Variants in ITGA4 observed in about 807,000 individuals in gnomAD.
The protein encoded by ITGA4 is integrin alpha-4.
In ITGA4, 63 loss-of-function variants were observed where a neutral mutation model predicts 133.6. The observed-to-expected ratio is 0.47, with a 90% CI of 0.38 to 0.58. ITGA4 has a LOEUF of 0.58. Ranked by LOEUF, ITGA4 falls within the 20% of genes least tolerant of loss-of-function variation. The probability of loss-of-function intolerance (pLI) is 0.00; values close to 1 mark genes in which losing one functional copy is unlikely to be tolerated. For synonymous variants in ITGA4, 483 were observed against 438.0 expected (o/e 1.10, Z -1.28); for missense variants, 1,076 against 1,252.7 (o/e 0.86, Z 2.13).
At chr2:181,506,870 A>G (rs556537223) in intron 15 of ITGA4, among the ~76,000 whole-genome samples, 2 of 152,098 alleles carry the variant, frequency 1.3e-5, no homozygotes, top group Non-Finnish European at 2.9e-5. Context: ...TGGTCCACTG[A>G]CATTACTTAG....
At position 181,523,603 on chromosome 2, in the gene ITGA4, G is replaced by A; in HGVS notation, c.2169+71G>A. Reference sequence around the variant, plus strand: ...TTTTTCTATTCTTCCCTATCTTTAGGTTGCATAGAAAATATTATAAATATT... The same window carrying A: ...TTTTTCTATTCTTCCCTATCTTTAGATTGCATAGAAAATATTATAAATATT... On this transcript the variant is annotated intron_variant, in intron 19 of 27. Coordinates refer to ENST00000397033, the MANE Select transcript of ITGA4 (RefSeq NM_000885.6). This position sits in a 1 kb window ranked among gnomAD's most constrained non-coding sequence, Gnocchi z 4.2. The A allele has an allele frequency of 1.2e-6, 1 of 811,788 alleles. No homozygotes were observed. Among genetic ancestry groups the A allele is most frequent in the Admixed American group, 2.1e-5 (1 of 48,656 alleles). The allele number at this position is 811,788 out of a possible 1,614,324, so 50.3% of individuals were successfully genotyped here.
At chr2:181,482,482 T>G in intron 8 of ITGA4, 32 bp from the exon 9 acceptor site, 1 of 1,613,654 alleles carries the variant, frequency 6.2e-7, no homozygotes, top group Non-Finnish European at 8.5e-7. Context: ...TGCTTTTTTC[T>G]CAATGAGTGG....
At chr2:181,514,195 C>G (rs187876354) in intron 17 of ITGA4, among the ~76,000 whole-genome samples, 2 of 152,088 alleles carry the variant, frequency 1.3e-5, no homozygotes, top group African/African-American at 4.8e-5. Flanking sequence ...GGATAAAAAG[C>G]AAGTTTATAT....
chr2:181,504,343 T>C (rs1242750791), intron 15 of ITGA4, among the ~76,000 whole-genome samples: 2 of 152,112 alleles, frequency 1.3e-5, no homozygotes, highest in Non-Finnish European at 1.5e-5. Flanking sequence ...TGTAAATCTT[T>C]AGGTGACTTC....
chr2:181,478,543 G>A (rs1207879992), intron 4 of ITGA4, among the ~76,000 whole-genome samples: 1 of 151,980 alleles, frequency 6.6e-6, no homozygotes, highest in Non-Finnish European at 1.5e-5. Flanking sequence ...TGCTTCCTAT[G>A]AAGAAGCAGA....
intron 10 of ITGA4, among the ~76,000 whole-genome samples, chr2:181,490,864 ATAAT>A (rs1686038110): frequency 6.6e-6 from 1 of 152,252 alleles, no homozygotes; most frequent in Non-Finnish European, 1.5e-5. Flanking sequence ...TGACATACTA[ATAAT>A]TTTGATTTAT....
At chr2:181,515,156 T>C (rs1686581377) in intron 17 of ITGA4, among the ~76,000 whole-genome samples, 1 of 152,064 alleles carries the variant, frequency 6.6e-6, no homozygotes, top group East Asian at 1.9e-4. Flanking sequence ...TAAGAACCAA[T>C]GTTATGGTGG....
chr2:181,504,721 A>G (rs1559049931), intron 15 of ITGA4, among the ~76,000 whole-genome samples: 1 of 152,106 alleles, frequency 6.6e-6, no homozygotes, highest in Non-Finnish European at 1.5e-5. Flanking sequence ...AATCCATTAC[A>G]TAAGGCAGAA....
intron 16 of ITGA4, among the ~76,000 whole-genome samples, chr2:181,511,089 C>T (rs765428892): frequency 7.2e-5 from 11 of 152,118 alleles, no homozygotes; most frequent in Non-Finnish European, 1.3e-4. Context: ...CGTTACCTTC[C>T]CTTTTATCTC....
chr2:181,537,817 C>G lies in ITGA4; in HGVS notation c.*2290C>G, dbSNP rs1487258013. 1 of 475,242 alleles carries G rather than the reference C, an allele frequency of 2.1e-6. No homozygotes were observed. Among genetic ancestry groups the G allele is most frequent in the South Asian group, 1.5e-5 (1 of 64,558 alleles). The allele number at this position is 475,242 out of a possible 1,614,324, so 29.4% of individuals were successfully genotyped here. A position where few individuals can be genotyped will look rare whatever the true frequency, so the allele number is the denominator to read the frequency against. On this transcript the variant is annotated 3_prime_UTR_variant, in exon 28 of 28. Transcript: ENST00000397033. ...ATCTTGACTTTTAAAGCCCTAGAGG[C>G]TAATTGTTAGTAACATCAATTTCTA...
intron 2 of ITGA4, among the ~76,000 whole-genome samples, chr2:181,460,538 A>G (rs1694440234): frequency 6.9e-6 from 1 of 145,572 alleles, no homozygotes; most frequent in African/African-American, 2.5e-5. Context: ...AGTGTGTGTA[A>G]ATATATATAA....
In ITGA4 at chr2:181,509,685, A is replaced by G. The variant is rs200533064; in HGVS notation, c.1723A>G (p.Ile575Val). ...RKDVRDILTPIQIEAAYHLGP... is the reference protein window; with the variant it reads ...RKDVRDILTPVQIEAAYHLGP... The stretch of plus-strand genomic sequence containing the variant: ...AGATGTGCGGGACATCCTCACCCCA[A>G]TTCAGATTGAAGCTGCTTACCACCT... The change falls in exon 16 of 28, where the codon ATT (isoleucine) becomes GTT (valine). Residue 575 changes from isoleucine (I) to valine (V), a missense_variant. By Grantham distance (29) the Ile-to-Val change is conservative. This residue lies in a region of ITGA4 where 365 missense variants were observed against 421.4 expected (regional missense o/e 0.87). Coordinates refer to ENST00000397033, the MANE Select transcript of ITGA4 (RefSeq NM_000885.6). The G allele has an allele frequency of 1.2e-6, 2 of 1,608,542 alleles. No individual in the cohort carries two copies. The highest frequency in any genetic ancestry group is 1.7e-6 in the Non-Finnish European group (2 of 1,177,702).
chr2:181,483,609 A>G (rs369663928), intron 9 of ITGA4, among the ~76,000 whole-genome samples: 1 of 152,208 alleles, frequency 6.6e-6, no homozygotes, highest in East Asian at 1.9e-4. Flanking sequence ...AAGATTCTCT[A>G]AGTTTGCAAT....
At chr2:181,499,405 C>G (rs892428533) in intron 15 of ITGA4, among the ~76,000 whole-genome samples, 7 of 152,096 alleles carry the variant, frequency 4.6e-5, no homozygotes, top group African/African-American at 1.7e-4. Flanking sequence ...CATCACATTC[C>G]TCACATTGGT....
intron 15 of ITGA4, 91 bp from the exon 16 acceptor site, chr2:181,509,567 T>G (rs1686462567): frequency 1.0e-5 from 9 of 872,170 alleles, no homozygotes; most frequent in Non-Finnish European, 1.5e-5. Context: ...CTTCCATGTA[T>G]AGTGTTTGGC....
chr2:181,460,571 G>GTGTA (rs10686615), intron 2 of ITGA4, among the ~76,000 whole-genome samples: 2,652 of 145,264 alleles, frequency 0.018, 37 homozygotes, highest in Middle Eastern at 0.047. Context: ...AGAAGAGTGT[G>GTGTA]TGTGTGTGTG....
At chr2:181,517,130 GA>G (rs1188961155) in intron 17 of ITGA4, among the ~76,000 whole-genome samples, 6 of 151,772 alleles carry the variant, frequency 4.0e-5, no homozygotes, top group Non-Finnish European at 7.4e-5. Context: ...AGTAGTAAAG[GA>G]AAAAAAGATA....
At chr2:181,508,885 G>A (rs1686445647) in intron 15 of ITGA4, among the ~76,000 whole-genome samples, 1 of 151,884 alleles carries the variant, frequency 6.6e-6, no homozygotes, top group African/African-American at 2.4e-5. Context: ...GCTCACACCT[G>A]TAATCCCAGC....
rs1226672006 is a variant in ITGA4, at chr2:181,535,923, A to T, written c.*396A>T. 1 of 153,168 alleles carries T rather than the reference A, an allele frequency of 6.5e-6. No homozygotes were observed. The highest frequency in any genetic ancestry group is 2.4e-5 in the African/African-American group (1 of 41,498). 9.5% of individuals were successfully genotyped at this position (153,168 alleles called of 1,614,324 possible). A position where few individuals can be genotyped will look rare whatever the true frequency, so the allele number is the denominator to read the frequency against. ...GTAAAATGAACCCCACTGGGTGGGCAGAGGTTCATTTCAAATACATCTTTG... is the reference window on the plus strand; with the variant it reads ...GTAAAATGAACCCCACTGGGTGGGCTGAGGTTCATTTCAAATACATCTTTG... On this transcript the variant is annotated 3_prime_UTR_variant, in exon 28 of 28. Coordinates refer to ENST00000397033, the MANE Select transcript of ITGA4 (RefSeq NM_000885.6).
Sources: allele counts gnomAD v4.1 joint callset (sites outside exome capture counted in the v4.1 genomes callset), GRCh38; gene constraint gnomAD v4.1.1; regional missense constraint gnomAD v4.1.1; non-coding constraint Gnocchi (gnomAD v3.1); transcripts MANE v1.5; gene names NCBI Gene and HGNC (gene_info 2026-07-23, HGNC 2026-07-21).